GABBR1: variants seen among roughly 807,000 people sequenced by gnomAD.
GABBR1 encodes the protein GABA-B receptor, R1 subunit.
Under a neutral mutation model 117.7 loss-of-function variants are expected in GABBR1, and 35 were observed. That is an observed-to-expected ratio of 0.30 (90% confidence interval 0.23 to 0.39). The LOEUF (loss-of-function observed/expected upper bound fraction) is 0.39. Ranked by LOEUF, GABBR1 falls within the 10% of genes least tolerant of loss-of-function variation. GABBR1 has a pLI of 1.00. For missense variants in GABBR1, 709 were observed against 1,241.8 expected, an observed-to-expected ratio of 0.57 and a Z score of 6.45; for synonymous variants, 442 against 486.6, an observed-to-expected ratio of 0.91 and a Z score of 1.21.
rs1426953914 is a variant in GABBR1, at chr6:29,621,305, G to A, written c.1132-13C>T. On this transcript the variant is annotated splice_polypyrimidine_tract_variant and intron_variant, in intron 10 of 22. Coordinates refer to ENST00000377034, the MANE Select transcript of GABBR1 (RefSeq NM_001470.4). The surrounding 1 kb of genome is among the most constrained non-coding windows in gnomAD (Gnocchi z 5.0). ...GCTCCTTGTACACCTGAATACAGAGGAGAATGGCTGAGTTTTTGTTTGCTC... is the reference window on the plus strand; with the variant it reads ...GCTCCTTGTACACCTGAATACAGAGAAGAATGGCTGAGTTTTTGTTTGCTC... 1 of 1,603,148 alleles carries A rather than the reference G, an allele frequency of 6.2e-7. No homozygotes were observed. Among genetic ancestry groups the A allele is most frequent in the Non-Finnish European group, 8.5e-7 (1 of 1,174,052 alleles).
Position 29,606,261 on chromosome 6 carries a change from G to C in GABBR1, c.2311+130C>G. 1.4e-6 allele frequency: 1 copy of C among 707,822 alleles called. No individual in the cohort carries two copies. The highest frequency in any genetic ancestry group is 2.6e-6 in the Non-Finnish European group (1 of 388,086). The allele number at this position is 707,822 out of a possible 1,614,324, so 43.8% of individuals were successfully genotyped here. On this transcript the variant is annotated intron_variant, in intron 19 of 22. Transcript: ENST00000377034. This position sits in a 1 kb window ranked among gnomAD's most constrained non-coding sequence, Gnocchi z 4.5. ...AAGATTAGTGCAATAACAAAGAGTA[G>C]GGTGTTCAAACTGGGTTGACAAGCT...
In GABBR1 at chr6:29,609,485, G is replaced by A. The variant is rs1003272388; in HGVS notation, c.1709-106C>T. On this transcript the variant is annotated intron_variant, in intron 14 of 22. Coordinates refer to ENST00000377034, the MANE Select transcript of GABBR1 (RefSeq NM_001470.4). The surrounding 1 kb of genome is among the most constrained non-coding windows in gnomAD (Gnocchi z 4.3). ...AGGGCAAAGAACTAGATTGCTGATGGACATTCAGTCATTGGCTGGGGACAT... is the reference window on the plus strand; with the variant it reads ...AGGGCAAAGAACTAGATTGCTGATGAACATTCAGTCATTGGCTGGGGACAT... The A allele has an allele frequency of 1.1e-5, 10 of 931,550 alleles. No individual in the cohort carries two copies. The highest frequency in any genetic ancestry group is 1.5e-5 in the Non-Finnish European group (9 of 606,632). The allele number at this position is 931,550 out of a possible 1,614,324, so 57.7% of individuals were successfully genotyped here.
At position 29,622,161 on chromosome 6, in the gene GABBR1, C is replaced by G. The variant is rs1193495171; in HGVS notation, c.1008G>C (p.Glu336Asp). 1 of 1,614,180 alleles carries G rather than the reference C, an allele frequency of 6.2e-7. No individual in the cohort carries two copies. The highest frequency in any genetic ancestry group is 8.5e-7 in the Non-Finnish European group (1 of 1,180,016). The change falls in exon 9 of 23, where the codon GAG becomes GAC. Residue 336 changes from glutamate (E) to aspartate (D), a missense_variant. Glu to Asp is a conservative substitution (Grantham distance 45). Around this residue, in one of 9 missense-constraint regions of GABBR1, gnomAD observed 192 missense variants for 418.4 expected, o/e 0.46. Transcript: ENST00000377034. The surrounding 1 kb of genome is among the most constrained non-coding windows in gnomAD (Gnocchi z 4.6). ...AGAAGAAACTCTGGCGGAAAGTAAT[C>G]TCAATTCCAGCCTCCTTCACTCGTT... ...LEERVKEAGI[E>D]ITFRQSFFSD...
At position 29,627,535 on chromosome 6, in the gene GABBR1, C is replaced by G; in HGVS notation, c.608G>C (p.Arg203Thr). 1 of 1,603,132 alleles carries G rather than the reference C, an allele frequency of 6.2e-7. No homozygotes were observed. Among genetic ancestry groups the G allele is most frequent in the Non-Finnish European group, 8.5e-7 (1 of 1,175,468 alleles). Residue 203 changes from arginine to threonine, a missense_variant, in exon 6 of 23, where the codon AGG becomes ACG. Around this residue, in one of 9 missense-constraint regions of GABBR1, gnomAD observed 192 missense variants for 418.4 expected, o/e 0.46. Coordinates refer to ENST00000377034, the MANE Select transcript of GABBR1 (RefSeq NM_001470.4). The surrounding 1 kb of genome is among the most constrained non-coding windows in gnomAD (Gnocchi z 4.4). The stretch of plus-strand genomic sequence containing the variant: ...GAGCTCATAGTCCGGCAGGATGTCC[C>G]TGCGGCTATTCACGTCCTCCAGCGC... ...EMALEDVNSR[R>T]DILPDYELKL...
chr6:29,616,207 A>C (rs1290893428), intron 11 of GABBR1, among the ~76,000 whole-genome samples: 1 of 151,582 alleles, frequency 6.6e-6, no homozygotes, highest in African/African-American at 2.4e-5. Flanking sequence ...GTCTCAAAAA[A>C]AAAAATACAA....
At position 29,621,982 on chromosome 6, in the gene GABBR1, C is replaced by G; in HGVS notation, c.1065+122G>C. On this transcript the variant is annotated intron_variant, in intron 9 of 22. Transcript: ENST00000377034. The surrounding 1 kb of genome is among the most constrained non-coding windows in gnomAD (Gnocchi z 5.0). ...ACTGGAAGATGGAGCTAAACTTCCC[C>G]AGGAGATGCTATTGCCTCAGAGAAT... is the stretch of plus-strand genomic sequence containing the variant. The G allele has an allele frequency of 9.6e-7, 1 of 1,046,352 alleles. No homozygotes were observed. The highest frequency in any genetic ancestry group is 1.4e-5 in the South Asian group (1 of 72,952). 64.8% of individuals were successfully genotyped at this position (1,046,352 alleles called of 1,614,324 possible). A position where few individuals can be genotyped will look rare whatever the true frequency, so the allele number is the denominator to read the frequency against.
intron 13 of GABBR1, 68 bp downstream of exon 13, chr6:29,612,483 C>T: frequency 7.2e-7 from 1 of 1,381,636 alleles, no homozygotes; most frequent in Admixed American, 1.7e-5. Context: ...GCATTCTTCC[C>T]CAGGGGGCAT....
At position 29,610,942 on chromosome 6, in the gene GABBR1, T is replaced by C. The variant is rs745414646; in HGVS notation, c.1690A>G (p.Lys564Glu). 1.9e-6 allele frequency: 3 copies of C among 1,612,868 alleles called. No individual in the cohort carries two copies. Among genetic ancestry groups the C allele is most frequent in the Non-Finnish European group, 2.5e-6 (3 of 1,179,922 alleles). ...DSTKDDLSWS[K>E]TDKWIGGSPP... Reference sequence around the variant, plus strand: ...CACTCACCAATCCATTTATCTGTTTTGGACCAGGAAAGATCATCCTTGGTG... The same window carrying C: ...CACTCACCAATCCATTTATCTGTTTCGGACCAGGAAAGATCATCCTTGGTG... Residue 564 changes from lysine (K) to glutamate (E), a missense_variant, in exon 14 of 23, where the codon AAA becomes GAA. Transcript: ENST00000377034.
At chr6:29,629,273 G>A (rs914009965) in intron 4 of GABBR1, 166 bp from the exon 5 acceptor site, 4 of 745,012 alleles carry the variant, frequency 5.4e-6, no homozygotes, top group Admixed American at 4.0e-5. Flanking sequence ...AGGTGGGTCT[G>A]GGGGTAAGGG....
intron 12 of GABBR1, 32 bp from the exon 13 acceptor site, chr6:29,612,646 G>A (rs1762672183): frequency 6.3e-7 from 1 of 1,586,828 alleles, no homozygotes; most frequent in Non-Finnish European, 8.7e-7. Flanking sequence ...GCAAGGCAAA[G>A]GAGACAAAAG....
chr6:29,609,747 A>C lies in GABBR1; in HGVS notation c.1709-368T>G, dbSNP rs1762347889. On this transcript the variant is annotated intron_variant, in intron 14 of 22. Coordinates refer to ENST00000377034, the MANE Select transcript of GABBR1 (RefSeq NM_001470.4). The surrounding 1 kb of genome is among the most constrained non-coding windows in gnomAD (Gnocchi z 4.3). ...AGGAGAAAGAAGGGGATCATTAAAAAATGTTATAAGGTTTCTTATAACCCA... is the reference window on the plus strand; with the variant it reads ...AGGAGAAAGAAGGGGATCATTAAAACATGTTATAAGGTTTCTTATAACCCA... 6.6e-6 allele frequency among the ~76,000 whole-genome samples: 1 copy of C among 152,150 alleles called. No homozygotes were observed. The highest frequency in any genetic ancestry group is 1.5e-5 in the Non-Finnish European group (1 of 68,026).
intron 14 of GABBR1, 47 bp downstream of exon 14, chr6:29,610,877 T>G: frequency 6.6e-7 from 1 of 1,519,210 alleles, no homozygotes; most frequent in Non-Finnish European, 9.1e-7. Context: ...CTTTTTCCCT[T>G]GACTGTCGAG....
rs1168554571 is a variant in GABBR1, at chr6:29,621,931, G to A, written c.1066-114C>T. 7.9e-6 allele frequency: 9 copies of A among 1,132,964 alleles called. No individual in the cohort carries two copies. The highest frequency in any genetic ancestry group is 1.3e-5 in the South Asian group (1 of 77,334). The allele number at this position is 1,132,964 out of a possible 1,614,324, so 70.2% of individuals were successfully genotyped here. Reference sequence around the variant, plus strand: ...CCCAAAGTGCTTAGTGCAGGGTAACGCTCAACGTATAGTGAATAAACGTCA... The same window carrying A: ...CCCAAAGTGCTTAGTGCAGGGTAACACTCAACGTATAGTGAATAAACGTCA... On this transcript the variant is annotated intron_variant, in intron 9 of 22. Transcript: ENST00000377034. This position sits in a 1 kb window ranked among gnomAD's most constrained non-coding sequence, Gnocchi z 5.0.
intron 11 of GABBR1, among the ~76,000 whole-genome samples, chr6:29,617,117 G>A (rs1472399782): frequency 6.6e-6 from 1 of 151,010 alleles, no homozygotes; most frequent in Non-Finnish European, 1.5e-5. Flanking sequence ...TTTAAAATGA[G>A]AATAATACTA....
Position 29,607,330 on chromosome 6 carries a change from C to T in GABBR1, c.1993-112G>A. On this transcript the variant is annotated intron_variant, in intron 16 of 22. Coordinates refer to ENST00000377034, the MANE Select transcript of GABBR1 (RefSeq NM_001470.4). This position sits in a 1 kb window ranked among gnomAD's most constrained non-coding sequence, Gnocchi z 5.0. The stretch of plus-strand genomic sequence containing the variant: ...GGGCAGGGAGCACGGGCAGGGAGCT[C>T]ATGGTGGCACAGGGAGGATGCGAAA... 1 of 811,252 alleles carries T rather than the reference C, an allele frequency of 1.2e-6. No individual in the cohort carries two copies. Among genetic ancestry groups the T allele is most frequent in the Non-Finnish European group, 2.1e-6 (1 of 479,912 alleles). The allele number at this position is 811,252 out of a possible 1,614,324, so 50.3% of individuals were successfully genotyped here. A position where few individuals can be genotyped will look rare whatever the true frequency, so the allele number is the denominator to read the frequency against.
Position 29,623,595 on chromosome 6 carries a change from TC to T in GABBR1, c.793-121del. ...TTCTCTTCCTTACTCTCTCCAAACCTCCCCACCTCTGGTCTGCCTAAGGAAA... is the reference window on the plus strand; with the variant it reads ...TTCTCTTCCTTACTCTCTCCAAACCTCCCACCTCTGGTCTGCCTAAGGAAA... On this transcript the variant is annotated intron_variant, in intron 7 of 22. Transcript: ENST00000377034. This position sits in a 1 kb window ranked among gnomAD's most constrained non-coding sequence, Gnocchi z 6.2. 2 of 972,832 alleles carry T rather than the reference TC, an allele frequency of 2.1e-6. No individual in the cohort carries two copies. Among genetic ancestry groups the T allele is most frequent in the Non-Finnish European group, 3.0e-6 (2 of 662,864 alleles). The allele number at this position is 972,832 out of a possible 1,614,324, so 60.3% of individuals were successfully genotyped here. A position where few individuals can be genotyped will look rare whatever the true frequency, so the allele number is the denominator to read the frequency against.
rs372320627 is a variant in GABBR1, at chr6:29,629,591, A to C, written c.476-484T>G. Among the ~76,000 whole-genome samples, 59 of 152,310 alleles carry C rather than the reference A, an allele frequency of 3.9e-4. No individual in the cohort carries two copies. In the South Asian group the frequency reaches 7.0e-3, roughly 18 times the overall value. On this transcript the variant is annotated intron_variant, in intron 4 of 22. Transcript: ENST00000377034. ...TTGAAGTCTAAGTTTCAGTAGTGTC[A>C]TAAGTCCACCCCTGGATGGGACTCT...
rs1439455576 is a variant in GABBR1, at chr6:29,622,090, C to G, written c.1065+14G>C. 6.2e-7 allele frequency: 1 copy of G among 1,608,366 alleles called. No homozygotes were observed. Among genetic ancestry groups the G allele is most frequent in the Non-Finnish European group, 8.5e-7 (1 of 1,175,196 alleles). ...CCCTCCGTAAACAGAGCCCACCACT[C>G]CCAGCCATCTGACCTTCAGGTTTTT... On this transcript the variant is annotated intron_variant, in intron 9 of 22. Coordinates refer to ENST00000377034, the MANE Select transcript of GABBR1 (RefSeq NM_001470.4). The surrounding 1 kb of genome is among the most constrained non-coding windows in gnomAD (Gnocchi z 4.6).
chr6:29,614,981 C>CAAAAAAAAAAA (rs202165362), intron 11 of GABBR1, among the ~76,000 whole-genome samples: 1 of 81,154 alleles, frequency 1.2e-5, no homozygotes, highest in East Asian at 3.7e-4. Flanking sequence ...TAAAACTGCT[C>CAAAAAAAAAAA]AAAAAAAAAA....
Sources: gnomAD v4.1 joint callset for allele counts (sites outside exome capture counted in the v4.1 genomes callset) on GRCh38, gnomAD v4.1.1 for gene constraint, gnomAD v4.1.1 regional missense constraint, Gnocchi (gnomAD v3.1) non-coding constraint, MANE v1.5 for transcripts, NCBI Gene and HGNC (gene_info 2026-07-23, HGNC 2026-07-21) for gene names.